The following PRORP variants were observed in gnomAD, a reference collection of about 807,000 sequenced individuals.
PRORP encodes the protein protein only RNase P catalytic subunit.
A neutral mutation model predicts 59.4 loss-of-function variants in PRORP; 51 were observed. That is an observed-to-expected ratio of 0.86 (90% CI 0.69 to 1.08). PRORP has a LOEUF of 1.08. PRORP is among the 50% of genes least tolerant of loss of function. The probability of loss-of-function intolerance (pLI) is 0.00; values close to 1 mark genes in which losing one functional copy is unlikely to be tolerated. For missense variants in PRORP, 646 were observed against 690.3 expected (o/e 0.94, Z 0.72); for synonymous variants, 231 against 245.6 (o/e 0.94, Z 0.55).
chr14:35,245,593 C>A (rs752803928), intron 5 of PRORP, among the ~76,000 whole-genome samples: 6 of 152,104 alleles, frequency 3.9e-5, no homozygotes, highest in African/African-American at 9.7e-5. Flanking sequence ...TGCAGTGAGC[C>A]CTGATTGTGC....
intron 5 of PRORP, among the ~76,000 whole-genome samples, chr14:35,238,065 GT>G (rs2050265768): frequency 6.7e-6 from 1 of 149,168 alleles, no homozygotes; most frequent in East Asian, 1.9e-4. Flanking sequence ...TTTTCTCTGC[GT>G]TTTATGTGAA....
intron 5 of PRORP, among the ~76,000 whole-genome samples, chr14:35,214,472 A>G (rs1027088286): frequency 6.6e-6 from 1 of 152,230 alleles, no homozygotes; most frequent in Non-Finnish European, 1.5e-5. Flanking sequence ...AAGATGTATT[A>G]TTAGTAGACA....
At chr14:35,227,014 C>T (rs771959963) in intron 5 of PRORP, among the ~76,000 whole-genome samples, 8 of 151,860 alleles carry the variant, frequency 5.3e-5, no homozygotes, top group Admixed American at 2.0e-4. Flanking sequence ...GGGATACAGG[C>T]GTGAGCCACC....
chr14:35,136,381 G>GA (rs1555320244), intron 4 of PRORP, among the ~76,000 whole-genome samples: 18 of 148,412 alleles, frequency 1.2e-4, no homozygotes, highest in Admixed American at 8.8e-4. Context: ...TGTTTTTTTG[G>GA]TTTTTTTTTT....
At chr14:35,149,102 G>A (rs984439967) in intron 4 of PRORP, among the ~76,000 whole-genome samples, 18 of 149,138 alleles carry the variant, frequency 1.2e-4, no homozygotes, top group Admixed American at 6.0e-4. Flanking sequence ...TGTATTTTTA[G>A]TAGAGATGGG....
intron 5 of PRORP, among the ~76,000 whole-genome samples, chr14:35,206,247 T>C (rs942443706): frequency 6.6e-6 from 1 of 152,154 alleles, no homozygotes; most frequent in Admixed American, 6.6e-5. Flanking sequence ...AAGGTTTGTT[T>C]TTCATATCCC....
At chr14:35,180,544 G>A (rs927256899) in intron 4 of PRORP, 126 bp from the exon 5 acceptor site, 2 of 612,390 alleles carry the variant, frequency 3.3e-6, no homozygotes, top group African/African-American at 3.7e-5. Flanking sequence ...GTGTGTGTGT[G>A]TGTGTGTATT....
intron 5 of PRORP, among the ~76,000 whole-genome samples, chr14:35,226,953 C>G (rs1246633979): frequency 2.6e-5 from 4 of 151,432 alleles, no homozygotes. Context: ...CATGGCTAGT[C>G]TTGAACTCCT....
At chr14:35,242,034 A>G (rs2050382398) in intron 5 of PRORP, among the ~76,000 whole-genome samples, 1 of 152,162 alleles carries the variant, frequency 6.6e-6, no homozygotes, top group South Asian at 2.1e-4. Context: ...TGCTTCAGGT[A>G]GTACCTGGAG....
intron 5 of PRORP, among the ~76,000 whole-genome samples, chr14:35,255,843 C>A (rs1032216124): frequency 6.6e-6 from 1 of 152,114 alleles, no homozygotes; most frequent in African/African-American, 2.4e-5. Context: ...AGAGCTTATA[C>A]AGAGTCTTAA....
intron 5 of PRORP, among the ~76,000 whole-genome samples, chr14:35,191,359 A>C (rs1218537681): frequency 6.6e-6 from 1 of 152,150 alleles, no homozygotes; most frequent in Non-Finnish European, 1.5e-5. Flanking sequence ...TGGAACTGTG[A>C]GTCCATTAAA....
At chr14:35,153,163 G>C (rs143306409) in intron 4 of PRORP, among the ~76,000 whole-genome samples, 1 of 152,236 alleles carries the variant, frequency 6.6e-6, no homozygotes, top group Non-Finnish European at 1.5e-5. Context: ...CGAGGCTGGC[G>C]GATCACTCGC....
At chr14:35,180,204 A>C (rs2048566504) in intron 4 of PRORP, among the ~76,000 whole-genome samples, 1 of 152,158 alleles carries the variant, frequency 6.6e-6, no homozygotes, top group African/African-American at 2.4e-5. Context: ...CTCAGATCTC[A>C]AACTCCGTGC....
chr14:35,271,411 C>T (rs1566541553), intron 7 of PRORP, among the ~76,000 whole-genome samples: 1 of 152,000 alleles, frequency 6.6e-6, no homozygotes, highest in Non-Finnish European at 1.5e-5. Context: ...CCCACCTCAG[C>T]CTCCCAAAGT....
rs775345459 is a variant in PRORP at position 35,127,617 on chromosome 14, T to C, written c.1167+6T>C. ...ACAGAAAGACAACACCTCAGGTGAGTCTAACAAGTTTTATTTCTTCTTGGA... is the reference window on the plus strand; with the variant it reads ...ACAGAAAGACAACACCTCAGGTGAGCCTAACAAGTTTTATTTCTTCTTGGA... On this transcript the variant is annotated splice_donor_region_variant and intron_variant, in intron 4 of 7. Coordinates refer to ENST00000534898, the MANE Select transcript of PRORP (RefSeq NM_014672.4). 1 of 1,613,400 alleles carries C rather than the reference T, an allele frequency of 6.2e-7. No individual in the cohort carries two copies. Among genetic ancestry groups the C allele is most frequent in the South Asian group, 1.1e-5 (1 of 90,942 alleles).
Position 35,273,696 on chromosome 14 carries a change from C to A in PRORP, c.*130C>A, listed in dbSNP as rs1234787350. On this transcript the variant is annotated 3_prime_UTR_variant, in exon 8 of 8. Transcript: ENST00000534898. ...AAAAGGATTCTATTAACAGCATTGA[C>A]ATTGATTTTTTAATGAAATGAGATA... 9 of 768,720 alleles carry A rather than the reference C, an allele frequency of 1.2e-5. No individual in the cohort carries two copies. The highest frequency in any genetic ancestry group is 1.7e-5 in the Non-Finnish European group (9 of 524,896). 47.6% of individuals were successfully genotyped at this position (768,720 alleles called of 1,614,324 possible).
chr14:35,260,469 A>G (rs895922112), intron 5 of PRORP, among the ~76,000 whole-genome samples: 1 of 152,202 alleles, frequency 6.6e-6, no homozygotes, highest in African/African-American at 2.4e-5. Flanking sequence ...GTATAAGTTT[A>G]TAGATTCCTG....
intron 5 of PRORP, among the ~76,000 whole-genome samples, chr14:35,181,038 C>T (rs1367490045): frequency 2.6e-5 from 4 of 152,142 alleles, no homozygotes; most frequent in Admixed American, 2.0e-4. Context: ...TTTCCCGTTT[C>T]GTGTAACCTT....
At chr14:35,259,326 C>A (rs999117812) in intron 5 of PRORP, among the ~76,000 whole-genome samples, 1 of 152,170 alleles carries the variant, frequency 6.6e-6, no homozygotes, top group South Asian at 2.1e-4. Flanking sequence ...TACTTTCCAC[C>A]AGTCTATTTG....
Sources: allele counts gnomAD v4.1 joint callset (sites outside exome capture counted in the v4.1 genomes callset), GRCh38; gene constraint gnomAD v4.1.1; transcripts MANE v1.5; gene names NCBI Gene and HGNC (gene_info 2026-07-23, HGNC 2026-07-21).